The following DPYD variants were observed in gnomAD, a reference collection of about 807,000 sequenced individuals.
DPYD encodes dihydropyrimidine dehydrogenase.
A neutral mutation model predicts 116.2 loss-of-function variants in DPYD; 109 were observed. The ratio of observed to expected loss-of-function variants is 0.94; its 90% CI spans 0.80 to 1.10. The LOEUF is 1.10. Among genes scored for constraint, DPYD ranks in the 50% least tolerant of loss-of-function variants. The probability of loss-of-function intolerance (pLI) is 0.00; values close to 1 mark genes in which losing one functional copy is unlikely to be tolerated. For missense variants in DPYD, 1,302 were observed against 1,254.5 expected (o/e 1.04, Z -0.57); for synonymous variants, 440 against 432.0 (o/e 1.02, Z -0.23).
At chr1:97,476,026 T>C (rs1004818499) in intron 13 of DPYD, among the ~76,000 whole-genome samples, 3 of 152,200 alleles carry the variant, frequency 2.0e-5, no homozygotes, top group Admixed American at 6.5e-5. Context: ...AGTCATGGGC[T>C]AGCAAGGTAA....
Position 97,539,356 on chromosome 1 carries a change from T to C in DPYD, c.1524+10204A>G, listed in dbSNP as rs529918824. On this transcript the variant is annotated intron_variant, in intron 12 of 22. Transcript: ENST00000370192. The stretch of plus-strand genomic sequence containing the variant: ...GGAATGAATCCCACTTGGAAGAAAA[T>C]AGATCTTTTCCTTTTCATTTCTTGC... Among the ~76,000 whole-genome samples the C allele has an allele frequency of 3.2e-4, 49 of 152,278 alleles. 1 individual carries two copies. In the South Asian group the frequency reaches 5.0e-3, roughly 15 times the overall value.
intron 1 of DPYD, among the ~76,000 whole-genome samples, chr1:97,898,887 T>C (rs1057175775): frequency 3.3e-5 from 5 of 151,940 alleles, no homozygotes; most frequent in Non-Finnish European, 7.4e-5. Context: ...TCCAACATGA[T>C]TGTGAAGCCA....
rs1236544780 is a variant in DPYD at position 97,306,363 on chromosome 1, A to G, written c.2059-66T>C. The G allele has an allele frequency of 2.8e-5, 45 of 1,601,930 alleles. No individual in the cohort carries two copies. In the Admixed American group the frequency reaches 7.5e-4, roughly 27 times the overall value. ...AATTGTGATCAAAATGTGTACTGGA[A>G]CAACAGCAAAGCTGGAGACGTGCAA... On this transcript the variant is annotated intron_variant, in intron 16 of 22. Transcript: ENST00000370192.
At chr1:97,732,881 A>G (rs2101052218) in intron 4 of DPYD, among the ~76,000 whole-genome samples, 1 of 152,292 alleles carries the variant, frequency 6.6e-6, no homozygotes, top group South Asian at 2.1e-4. Flanking sequence ...TTTATTCTGT[A>G]GAACTCTTTC....
chr1:97,528,738 T>C (rs555308965), intron 12 of DPYD, among the ~76,000 whole-genome samples: 1 of 152,260 alleles, frequency 6.6e-6, no homozygotes, highest in East Asian at 1.9e-4. Context: ...CTACAGCAAA[T>C]CTAATTATTT....
At chr1:97,572,165 A>T (rs1196522708) in intron 11 of DPYD, among the ~76,000 whole-genome samples, 1 of 152,024 alleles carries the variant, frequency 6.6e-6, no homozygotes, top group Non-Finnish European at 1.5e-5. Flanking sequence ...GTGAAGTACT[A>T]GAAGAAATAT....
intron 8 of DPYD, among the ~76,000 whole-genome samples, chr1:97,625,889 C>T (rs1363053647): frequency 6.6e-6 from 1 of 152,006 alleles, no homozygotes; most frequent in East Asian, 1.9e-4. Flanking sequence ...AGCTTTGCAA[C>T]CTTATACAAT....
At chr1:97,533,598 C>T (rs1304252686) in intron 12 of DPYD, among the ~76,000 whole-genome samples, 2 of 152,032 alleles carry the variant, frequency 1.3e-5, no homozygotes, top group Non-Finnish European at 2.9e-5. Flanking sequence ...TCAGTATGAT[C>T]AAGGTGAGAG....
At chr1:97,455,704 C>T (rs981419692) in intron 13 of DPYD, among the ~76,000 whole-genome samples, 2 of 151,830 alleles carry the variant, frequency 1.3e-5, no homozygotes, top group African/African-American at 4.8e-5. Context: ...TGAAAGAACT[C>T]ACTAACATTT....
At chr1:97,599,732 G>T (rs893852404) in intron 8 of DPYD, among the ~76,000 whole-genome samples, 1 of 150,574 alleles carries the variant, frequency 6.6e-6, no homozygotes, top group Admixed American at 6.6e-5. Context: ...TCACAGAAAT[G>T]GGTGATGCTG....
In DPYD at chr1:97,368,147, G is replaced by A. The variant is rs557698969; in HGVS notation, c.2058+5414C>T. On this transcript the variant is annotated intron_variant, in intron 16 of 22. Transcript: ENST00000370192. ...TAGTAGGGAGTAGCCAGGGCAATGCGTTGACTTTTCCTGCTTGACCAGAAA... is the reference window on the plus strand; with the variant it reads ...TAGTAGGGAGTAGCCAGGGCAATGCATTGACTTTTCCTGCTTGACCAGAAA... Among the ~76,000 whole-genome samples, 13 of 152,172 alleles carry A rather than the reference G, an allele frequency of 8.5e-5. No homozygotes were observed. In the East Asian group the frequency reaches 9.7e-4, roughly 11 times the overall value.
chr1:97,797,458 C>T (rs111285945), intron 3 of DPYD: 1 of 151,654 alleles, frequency 6.6e-6, no homozygotes, highest in Non-Finnish European at 1.5e-5. Flanking sequence ...CTTTTTTTTC[C>T]TTTTTTCAGC....
intron 16 of DPYD, among the ~76,000 whole-genome samples, chr1:97,369,304 G>A (rs1211969289): frequency 1.3e-5 from 2 of 152,174 alleles, no homozygotes; most frequent in Non-Finnish European, 2.9e-5. Flanking sequence ...GCAGGAGACA[G>A]AACCTAAGTA....
intron 5 of DPYD, among the ~76,000 whole-genome samples, chr1:97,707,965 C>G (rs968864478): frequency 6.6e-6 from 1 of 151,688 alleles, no homozygotes; most frequent in African/African-American, 2.4e-5. Flanking sequence ...TTTTCATTTT[C>G]TTTCAAGACA....
At position 97,229,587 on chromosome 1, in the gene DPYD, T is replaced by TATATATAAAA. The variant is rs1434809487; in HGVS notation, c.2442+5264_2442+5265insTTTTATATAT. On this transcript the variant is annotated intron_variant, in intron 19 of 22. Transcript: ENST00000370192. ...ATATATATATATATATATATATATA[T>TATATATAAAA]ATACTGATTTTAATTCATACTTTAG... Among the ~76,000 whole-genome samples the TATATATAAAA allele has an allele frequency of 7.7e-4, 50 of 64,668 alleles. 1 individual carries two copies. Among genetic ancestry groups the TATATATAAAA allele is most frequent in the African/African-American group, 2.7e-3 (46 of 17,288 alleles). The allele number at this position is 64,668 out of a possible 152,430, so 42.4% of individuals were successfully genotyped here.
intron 16 of DPYD, among the ~76,000 whole-genome samples, chr1:97,368,981 T>C (rs1671179463): frequency 6.6e-6 from 1 of 152,056 alleles, no homozygotes; most frequent in African/African-American, 2.4e-5. Flanking sequence ...ACCACAACAA[T>C]ACAAAGGCCT....
intron 18 of DPYD, among the ~76,000 whole-genome samples, chr1:97,296,943 A>G (rs1037024640): frequency 6.6e-6 from 1 of 152,172 alleles, no homozygotes; most frequent in Non-Finnish European, 1.5e-5. Flanking sequence ...AAAAATGCTG[A>G]AACAATTTCA....
In DPYD at chr1:97,847,045, T is replaced by C. The variant is rs566091093; in HGVS notation, c.151-18849A>G. ...AATCCCACTTACACTTTGGAACTTT[T>C]ACCTAAGAATCAGTCATTTATTTCC... On this transcript the variant is annotated intron_variant, in intron 2 of 22. Transcript: ENST00000370192. Among the ~76,000 whole-genome samples, 9 of 152,358 alleles carry C rather than the reference T, an allele frequency of 5.9e-5. No homozygotes were observed. The East Asian group carries it at 1.7e-3, about 29-fold the overall frequency.
At chr1:97,478,133 T>C (rs961303158) in intron 13 of DPYD, among the ~76,000 whole-genome samples, 3 of 152,222 alleles carry the variant, frequency 2.0e-5, no homozygotes, top group Middle Eastern at 3.2e-3. Flanking sequence ...CAGAGTTGAA[T>C]AACCAGGTTG....
Sources: allele counts gnomAD v4.1 joint callset (sites outside exome capture counted in the v4.1 genomes callset), GRCh38; gene constraint gnomAD v4.1.1; transcripts MANE v1.5; gene names NCBI Gene and HGNC (gene_info 2026-07-23, HGNC 2026-07-21).